Variants in TSPO2 observed in about 807,000 individuals in gnomAD.
TSPO2 encodes the protein benzodiazapine receptor (peripheral)-like 1.
In TSPO2, 15 loss-of-function variants were observed where a neutral mutation model predicts 13.3. The observed-to-expected ratio is 1.13, with a 90% CI of 0.75 to 1.73. The LOEUF (loss-of-function observed/expected upper bound fraction) is 1.73, where lower values mean the gene tolerates loss of function less well. Ranked by LOEUF, TSPO2 falls within the 40% of genes most tolerant of loss-of-function variation. The pLI, the probability that TSPO2 is intolerant of heterozygous loss-of-function variation, is 0.00. For synonymous variants in TSPO2, 81 were observed against 91.6 expected, an observed-to-expected ratio of 0.88 and a Z score of 0.66; for missense variants, 202 against 198.3, an observed-to-expected ratio of 1.02 and a Z score of -0.11.
chr6:41,042,556 C>T lies in TSPO2; in HGVS notation c.-243C>T. On this transcript the variant is annotated 5_prime_UTR_variant, in exon 1 of 4. Coordinates refer to ENST00000373161, the MANE Select transcript of TSPO2 (RefSeq NM_001010873.3). The stretch of plus-strand genomic sequence containing the variant: ...TTGTGAACTTTCCAGGTTGGTAGAT[C>T]AGCTTAGGTAGAACAGTTCTCGGTG... The T allele has an allele frequency of 2.8e-6, 1 of 355,712 alleles. No homozygotes were observed. The highest frequency in any genetic ancestry group is 5.6e-6 in the Non-Finnish European group (1 of 179,726). The allele number at this position is 355,712 out of a possible 1,614,324, so 22.0% of individuals were successfully genotyped here.
intron 3 of TSPO2, 78 bp from the exon 4 acceptor site, chr6:41,043,862 G>C (rs530012132): frequency 3.4e-5 from 53 of 1,558,028 alleles, no homozygotes; most frequent in Non-Finnish European, 4.2e-5. Flanking sequence ...GACTGAGCTC[G>C]TTGCTGGGCT....
At position 41,042,511 on chromosome 6, in the gene TSPO2, T is replaced by G; in HGVS notation, c.-288T>G. 2.9e-6 allele frequency: 1 copy of G among 345,366 alleles called. No individual in the cohort carries two copies. Among genetic ancestry groups the G allele is most frequent in the Non-Finnish European group, 5.7e-6 (1 of 174,378 alleles). The allele number at this position is 345,366 out of a possible 1,614,324, so 21.4% of individuals were successfully genotyped here. A position where few individuals can be genotyped will look rare whatever the true frequency, so the allele number is the denominator to read the frequency against. On this transcript the variant is annotated 5_prime_UTR_variant, in exon 1 of 4. It adds an upstream start codon to the 5' untranslated region. Transcript: ENST00000373161. ...TGACTAGAAAAGAGTCCCCAGGAAT[T>G]TCTGGCTCCTGCCTTCAGATTGTGA...
intron 2 of TSPO2, 146 bp downstream of exon 2, chr6:41,043,304 A>G: frequency 9.0e-7 from 1 of 1,114,168 alleles, no homozygotes; most frequent in South Asian, 1.6e-5. Flanking sequence ...CCAGAAAGTA[A>G]GAAACCCTCT....
intron 2 of TSPO2, 51 bp downstream of exon 2, chr6:41,043,209 A>C: frequency 6.4e-7 from 1 of 1,560,772 alleles, no homozygotes; most frequent in Middle Eastern, 1.7e-4. Context: ...GGGTGGGAAC[A>C]AGTCCTCTAT....
At chr6:41,043,803 TG>T in intron 3 of TSPO2, 105 bp downstream of exon 3, 1 of 1,543,022 alleles carries the variant, frequency 6.5e-7, no homozygotes, top group South Asian at 1.2e-5. Context: ...AGGCAGGTAA[TG>T]GGTGGGCAGA....
rs2114016722 is a variant in TSPO2 at position 41,043,003 on chromosome 6, T to C, written c.18T>C (p.Ala6=). 1.9e-6 allele frequency: 3 copies of C among 1,614,042 alleles called. No homozygotes were observed. Among genetic ancestry groups the C allele is most frequent in the Non-Finnish European group, 2.5e-6 (3 of 1,179,938 alleles). ...CAAGGTGAATGCGGCTTCAAGGGGC[T>C]ATCTTTGTGCTCCTGCCCCACCTGG... is the stretch of plus-strand genomic sequence containing the variant. MRLQG[A]IFVLLPHLGP... Residue 6 remains alanine (A), a synonymous_variant, in exon 2 of 4, where the codon GCT becomes GCC. Coordinates refer to ENST00000373161, the MANE Select transcript of TSPO2 (RefSeq NM_001010873.3).
chr6:41,043,519 T>C, intron 2 of TSPO2, 38 bp from the exon 3 acceptor site: 1 of 1,542,440 alleles, frequency 6.5e-7, no homozygotes. Flanking sequence ...CCACGGAACC[T>C]CCTCCCACTG....
At chr6:41,042,871 G>A in intron 1 of TSPO2, 93 bp downstream of exon 1, 1 of 1,281,026 alleles carries the variant, frequency 7.8e-7, no homozygotes, top group Non-Finnish European at 1.1e-6. Flanking sequence ...CTTCTCTGAG[G>A]GGCTCAGGCC....
At position 41,043,036 on chromosome 6, in the gene TSPO2, C is replaced by G. The variant is rs765632802; in HGVS notation, c.51C>G (p.Ile17Met). 6.2e-7 allele frequency: 1 copy of G among 1,614,178 alleles called. No individual in the cohort carries two copies. Among genetic ancestry groups the G allele is most frequent in the South Asian group, 1.1e-5 (1 of 91,082 alleles). ...IFVLLPHLGP[I>M]LVWLFTRDHM... ...TGCTCCTGCCCCACCTGGGGCCCAT[C>G]CTGGTCTGGCTGTTCACTCGTGATC... is the stretch of plus-strand genomic sequence containing the variant. The change falls in exon 2 of 4, where the codon ATC becomes ATG. Residue 17 changes from isoleucine to methionine, a missense_variant. Transcript: ENST00000373161.
upstream of TSPO2, among the ~76,000 whole-genome samples, chr6:41,041,707 G>A (rs910373703): frequency 2.0e-5 from 3 of 152,244 alleles, no homozygotes; most frequent in Admixed American, 1.3e-4. Flanking sequence ...CAGGCACAGT[G>A]GCTCATGCCT....
upstream of TSPO2, among the ~76,000 whole-genome samples, chr6:41,042,005 A>T (rs1170472677): frequency 2.0e-5 from 3 of 152,044 alleles, no homozygotes; most frequent in Non-Finnish European, 4.4e-5. Context: ...GATGGATTAG[A>T]TAGTCAGTCC....
Position 41,044,134 on chromosome 6 carries a change from C to A in TSPO2, c.510C>A (p.Asp170Glu). ...VHQPQPTEKS[D>E] ...AGCCTCAGCCCACGGAGAAGAGTGA[C>A]TGAGGCCCTAGGGCATGGGAGAGGA... Residue 170 changes from aspartate to glutamate, a missense_variant, in exon 4 of 4, where the codon GAC becomes GAA. Coordinates refer to ENST00000373161, the MANE Select transcript of TSPO2 (RefSeq NM_001010873.3). The A allele has an allele frequency of 1.2e-6, 2 of 1,614,120 alleles. No homozygotes were observed. The highest frequency in any genetic ancestry group is 1.7e-6 in the Non-Finnish European group (2 of 1,180,010).
chr6:41,042,540 T>G lies in TSPO2; in HGVS notation c.-259T>G. Reference sequence around the variant, plus strand: ...GGCTCCTGCCTTCAGATTGTGAACTTTCCAGGTTGGTAGATCAGCTTAGGT... The same window carrying G: ...GGCTCCTGCCTTCAGATTGTGAACTGTCCAGGTTGGTAGATCAGCTTAGGT... On this transcript the variant is annotated 5_prime_UTR_variant, in exon 1 of 4. Transcript: ENST00000373161. 2.8e-6 allele frequency: 1 copy of G among 354,204 alleles called. No homozygotes were observed. The allele number at this position is 354,204 out of a possible 1,614,324, so 21.9% of individuals were successfully genotyped here. A position where few individuals can be genotyped will look rare whatever the true frequency, so the allele number is the denominator to read the frequency against.
rs1031446770 is a variant in TSPO2 at position 41,042,538 on chromosome 6, C to A, written c.-261C>A. 15 of 350,492 alleles carry A rather than the reference C, an allele frequency of 4.3e-5. No homozygotes were observed. The highest frequency in any genetic ancestry group is 2.4e-4 in the African/African-American group (11 of 46,604). The allele number at this position is 350,492 out of a possible 1,614,324, so 21.7% of individuals were successfully genotyped here. A position where few individuals can be genotyped will look rare whatever the true frequency, so the allele number is the denominator to read the frequency against. On this transcript the variant is annotated 5_prime_UTR_variant, in exon 1 of 4. Transcript: ENST00000373161. Reference sequence around the variant, plus strand: ...CTGGCTCCTGCCTTCAGATTGTGAACTTTCCAGGTTGGTAGATCAGCTTAG... The same window carrying A: ...CTGGCTCCTGCCTTCAGATTGTGAAATTTCCAGGTTGGTAGATCAGCTTAG...
In TSPO2 at chr6:41,043,039, G is replaced by C. The variant is rs763476965; in HGVS notation, c.54G>C (p.Leu18=). The change falls in exon 2 of 4, where the codon CTG becomes CTC. Residue 18 remains leucine, a synonymous_variant. Coordinates refer to ENST00000373161, the MANE Select transcript of TSPO2 (RefSeq NM_001010873.3). ...FVLLPHLGPI[L]VWLFTRDHMS... The stretch of plus-strand genomic sequence containing the variant: ...TCCTGCCCCACCTGGGGCCCATCCT[G>C]GTCTGGCTGTTCACTCGTGATCACA... The C allele has an allele frequency of 1.9e-6, 3 of 1,614,044 alleles. No homozygotes were observed. Among genetic ancestry groups the C allele is most frequent in the Non-Finnish European group, 2.5e-6 (3 of 1,180,034 alleles).
At chr6:41,043,800 T>C in intron 3 of TSPO2, 102 bp downstream of exon 3, 7 of 1,543,438 alleles carry the variant, frequency 4.5e-6, no homozygotes, top group Non-Finnish European at 6.2e-6. Flanking sequence ...TGCAGGCAGG[T>C]AATGGGTGGG....
At chr6:41,043,531 A>G (rs762255307) in intron 2 of TSPO2, 26 bp from the exon 3 acceptor site, 1 of 1,550,358 alleles carries the variant, frequency 6.5e-7, no homozygotes, top group South Asian at 1.2e-5. Flanking sequence ...CTCCCACTGA[A>G]TGTTTTTGCC....
intron 2 of TSPO2, 112 bp downstream of exon 2, chr6:41,043,270 C>G (rs1276654910): frequency 7.7e-7 from 1 of 1,296,488 alleles, no homozygotes; most frequent in Non-Finnish European, 1.1e-6. Flanking sequence ...CTTTGTCTTG[C>G]CTCTCACCAC....
chr6:41,043,211 G>A, intron 2 of TSPO2, 53 bp downstream of exon 2: 1 of 1,557,864 alleles, frequency 6.4e-7, no homozygotes, highest in South Asian at 1.2e-5. Flanking sequence ...GTGGGAACAA[G>A]TCCTCTATAT....
Sources: gnomAD v4.1 joint callset for allele counts (sites outside exome capture counted in the v4.1 genomes callset) on GRCh38, gnomAD v4.1.1 for gene constraint, MANE v1.5 for transcripts, NCBI Gene and HGNC (gene_info 2026-07-23, HGNC 2026-07-21) for gene names.